Variants in ORC2 observed in about 807,000 individuals in gnomAD.
ORC2 encodes the protein origin recognition complex subunit 2, also known as origin recognition complex protein 2 homolog.
A neutral mutation model predicts 77.7 loss-of-function variants in ORC2; 37 were observed. The ratio of observed to expected loss-of-function variants is 0.48; its 90% CI spans 0.37 to 0.63. The LOEUF is 0.63. ORC2 is among the 20% of genes least tolerant of loss of function. ORC2 has a pLI of 0.00. For missense variants in ORC2, 557 were observed against 661.9 expected, an observed-to-expected ratio of 0.84 and a Z score of 1.74; for synonymous variants, 201 against 229.5, an observed-to-expected ratio of 0.88 and a Z score of 1.12.
intron 11 of ORC2, among the ~76,000 whole-genome samples, chr2:200,928,345 G>A (rs1157507361): frequency 2.0e-5 from 3 of 152,032 alleles, no homozygotes; most frequent in Admixed American, 6.6e-5. Context: ...AACAGAGTAA[G>A]ATTCCATCTT....
At chr2:200,938,895 C>T (rs760981305) in intron 7 of ORC2, among the ~76,000 whole-genome samples, 17 of 152,024 alleles carry the variant, frequency 1.1e-4, no homozygotes, top group Non-Finnish European at 1.8e-4. Flanking sequence ...CAAAATTAGC[C>T]GGGCGTGCTG....
intron 4 of ORC2, among the ~76,000 whole-genome samples, chr2:200,953,353 A>G (rs2041400659): frequency 6.6e-6 from 1 of 150,878 alleles, no homozygotes; most frequent in South Asian, 2.1e-4. Context: ...GAATTTAACG[A>G]TATGTTAAAT....
chr2:200,956,951 G>A (rs2041477434), intron 4 of ORC2, among the ~76,000 whole-genome samples: 1 of 152,080 alleles, frequency 6.6e-6, no homozygotes, highest in Admixed American at 6.6e-5. Context: ...TCATAGGTGG[G>A]AGTTGAAAAA....
intron 4 of ORC2, among the ~76,000 whole-genome samples, chr2:200,953,640 T>C (rs1195085723): frequency 3.9e-5 from 6 of 152,170 alleles, no homozygotes. Context: ...TGTACACCCA[T>C]GTTCATAGCA....
chr2:200,951,506 C>T (rs2041356051), intron 4 of ORC2, among the ~76,000 whole-genome samples: 2 of 152,310 alleles, frequency 1.3e-5, no homozygotes, highest in Admixed American at 1.3e-4. Context: ...CTTGCTGCTC[C>T]ACATCCTAAT....
chr2:200,959,226 T>C (rs2041526006), intron 2 of ORC2, among the ~76,000 whole-genome samples, 166 bp downstream of exon 2: 1 of 152,158 alleles, frequency 6.6e-6, no homozygotes, highest in Non-Finnish European at 1.5e-5. Context: ...TAAGCAATTT[T>C]CCCACCTCAC....
At chr2:200,938,670 A>T (rs934860735) in intron 7 of ORC2, among the ~76,000 whole-genome samples, 3 of 152,246 alleles carry the variant, frequency 2.0e-5, no homozygotes, top group Admixed American at 2.0e-4. Context: ...CAACATGACA[A>T]TATGACAAAA....
At chr2:200,951,566 T>G (rs2041357586) in intron 4 of ORC2, among the ~76,000 whole-genome samples, 1 of 152,242 alleles carries the variant, frequency 6.6e-6, no homozygotes, top group African/African-American at 2.4e-5. Flanking sequence ...CTAATAGGTG[T>G]ATAGTGGTAT....
In ORC2 at chr2:200,935,757, A is replaced by G; in HGVS notation, c.650T>C (p.Val217Ala). Residue 217 changes from valine to alanine, a missense_variant, in exon 9 of 18, where the codon GTA (valine) becomes GCA (alanine). By Grantham distance (64) the Val-to-Ala change is moderately conservative. Coordinates refer to ENST00000234296, the MANE Select transcript of ORC2 (RefSeq NM_006190.5). ...FSQKIQAQNR[V>A]VSAPVGKETP... ...TTCTTTGCCAACAGGAGCTGAAACT[A>G]CTCTATTCTGAGCTTGAATCTTTTG... The G allele has an allele frequency of 1.2e-6, 2 of 1,613,620 alleles. No individual in the cohort carries two copies. Among genetic ancestry groups the G allele is most frequent in the Non-Finnish European group, 1.7e-6 (2 of 1,179,888 alleles).
chr2:200,943,884 T>C (rs551603081), intron 5 of ORC2, among the ~76,000 whole-genome samples: 34 of 152,074 alleles, frequency 2.2e-4, no homozygotes, highest in African/African-American at 7.7e-4. Context: ...AAGCTACTGG[T>C]TGTGGTTATT....
chr2:200,946,212 A>T (rs1471868398), intron 5 of ORC2, among the ~76,000 whole-genome samples: 3 of 151,618 alleles, frequency 2.0e-5, no homozygotes, highest in Admixed American at 2.0e-4. Flanking sequence ...CTGGTCTCAA[A>T]CTCCTGGGCT....
At chr2:200,925,204 G>A (rs1043953215) in intron 13 of ORC2, among the ~76,000 whole-genome samples, 6 of 152,118 alleles carry the variant, frequency 3.9e-5, no homozygotes, top group African/African-American at 1.2e-4. Context: ...GTGCACGCCT[G>A]TAATCCCAGC....
chr2:200,953,237 TACAA>T (rs1238831095), intron 4 of ORC2, among the ~76,000 whole-genome samples: 1 of 152,078 alleles, frequency 6.6e-6, no homozygotes, highest in East Asian at 1.9e-4. Context: ...AATAAAAAGT[TACAA>T]ACAATCCAAA....
chr2:200,952,444 G>T (rs888000717), intron 4 of ORC2, among the ~76,000 whole-genome samples: 1 of 151,836 alleles, frequency 6.6e-6, no homozygotes, highest in Non-Finnish European at 1.5e-5. Flanking sequence ...TGTATTTTTA[G>T]TAGGGACAGG....
intron 11 of ORC2, among the ~76,000 whole-genome samples, chr2:200,930,367 C>G (rs367792900): frequency 1.6e-4 from 25 of 152,080 alleles, no homozygotes; most frequent in African/African-American, 5.3e-4. Flanking sequence ...TAAGTTGACA[C>G]GCTGGGAGAA....
intron 10 of ORC2, among the ~76,000 whole-genome samples, 160 bp downstream of exon 10, chr2:200,933,716 C>T (rs1301318486): frequency 1.3e-5 from 2 of 152,114 alleles, no homozygotes; most frequent in Non-Finnish European, 2.9e-5. Flanking sequence ...GGCCTATTTA[C>T]TATTTATATA....
At chr2:200,919,703 G>A (rs2040723731) in intron 15 of ORC2, among the ~76,000 whole-genome samples, 1 of 152,160 alleles carries the variant, frequency 6.6e-6, no homozygotes, top group Non-Finnish European at 1.5e-5. Context: ...TAACCAGCTT[G>A]CATTTATTAA....
intron 10 of ORC2, among the ~76,000 whole-genome samples, chr2:200,932,611 T>C (rs998403666): frequency 6.6e-6 from 1 of 152,170 alleles, no homozygotes; most frequent in Non-Finnish European, 1.5e-5. Flanking sequence ...GTGCTGGTAT[T>C]ACAGGTGTGA....
At position 200,963,599 on chromosome 2, in the gene ORC2, T is replaced by C; in HGVS notation, c.-169A>G. 2.5e-6 allele frequency: 1 copy of C among 398,460 alleles called. No individual in the cohort carries two copies. The highest frequency in any genetic ancestry group is 4.4e-6 in the Non-Finnish European group (1 of 225,972). 24.7% of individuals were successfully genotyped at this position (398,460 alleles called of 1,614,324 possible). A position where few individuals can be genotyped will look rare whatever the true frequency, so the allele number is the denominator to read the frequency against. On this transcript the variant is annotated 5_prime_UTR_variant, in exon 1 of 18. Transcript: ENST00000234296. ...CTTCGGCCCCAACGGGAAAAGCCAA[T>C]TTCCAGTAATTCGCGCCCGACCACC...
Sources: allele counts gnomAD v4.1 joint callset (sites outside exome capture counted in the v4.1 genomes callset), GRCh38; gene constraint gnomAD v4.1.1; transcripts MANE v1.5; gene names NCBI Gene and HGNC (gene_info 2026-07-23, HGNC 2026-07-21).